The following SPTLC2 variants were observed in gnomAD, a reference collection of about 807,000 sequenced individuals.
SPTLC2 encodes the protein serine palmitoyltransferase long chain base subunit 2.
SPTLC2 carries 21 observed loss-of-function variants against 62.0 expected under a neutral mutation model. The ratio of observed to expected loss-of-function variants is 0.34; its 90% CI spans 0.24 to 0.49. The LOEUF (loss-of-function observed/expected upper bound fraction) is 0.49. Ranked by LOEUF, SPTLC2 falls within the 20% of genes least tolerant of loss-of-function variation. The pLI, the probability that SPTLC2 is intolerant of heterozygous loss-of-function variation, is 0.99. For synonymous variants in SPTLC2, 261 were observed against 261.8 expected, an observed-to-expected ratio of 1.00 and a Z score of 0.03; for missense variants, 511 against 713.0, an observed-to-expected ratio of 0.72 and a Z score of 3.23.
At chr14:77,570,645 A>G in intron 4 of SPTLC2, 137 bp from the exon 5 acceptor site, 1 of 979,082 alleles carries the variant, frequency 1.0e-6, no homozygotes, top group Admixed American at 2.1e-5. Context: ...AATATTATGA[A>G]GAGTAATATT....
chr14:77,532,154 A>G (rs1414365176), intron 9 of SPTLC2, among the ~76,000 whole-genome samples: 5 of 152,174 alleles, frequency 3.3e-5, no homozygotes, highest in African/African-American at 1.2e-4. Flanking sequence ...ATCTGGAAAA[A>G]TACTGAAATT....
At chr14:77,606,512 G>A (rs2079906350) in intron 1 of SPTLC2, among the ~76,000 whole-genome samples, 1 of 152,024 alleles carries the variant, frequency 6.6e-6, no homozygotes, top group South Asian at 2.1e-4. Flanking sequence ...GCCCAGAGAA[G>A]TGGAGATTTC....
At chr14:77,548,944 C>T (rs184171495) in intron 9 of SPTLC2, among the ~76,000 whole-genome samples, 276 of 152,312 alleles carry the variant, frequency 1.8e-3, no homozygotes, top group African/African-American at 5.8e-3. Flanking sequence ...TTAAGCCTTA[C>T]TTTCAATACC....
At chr14:77,607,556 T>C (rs141247548) in intron 1 of SPTLC2, among the ~76,000 whole-genome samples, 5 of 152,332 alleles carry the variant, frequency 3.3e-5, no homozygotes, top group African/African-American at 1.2e-4. Flanking sequence ...AGAATCAAAT[T>C]TTCCTTTAAT....
chr14:77,549,720 G>A (rs1302921598), intron 9 of SPTLC2, among the ~76,000 whole-genome samples: 1 of 152,146 alleles, frequency 6.6e-6, no homozygotes, highest in Non-Finnish European at 1.5e-5. Flanking sequence ...TAAGCTTTGG[G>A]GGTGGCTAGA....
At chr14:77,575,091 G>T (rs138357819) in intron 4 of SPTLC2, among the ~76,000 whole-genome samples, 99 of 152,142 alleles carry the variant, frequency 6.5e-4, no homozygotes, top group African/African-American at 2.3e-3. Context: ...GCATGGTGGC[G>T]TGCACCTATA....
chr14:77,528,530 C>G (rs28393685), intron 9 of SPTLC2, among the ~76,000 whole-genome samples: 60,894 of 151,986 alleles, frequency 0.4, 12,708 homozygotes, highest in Non-Finnish European at 0.46. Context: ...TGCGCCCAGC[C>G]CCCCCTTTTC....
At chr14:77,555,975 G>C (rs1027706852) in intron 7 of SPTLC2, among the ~76,000 whole-genome samples, 1 of 152,034 alleles carries the variant, frequency 6.6e-6, no homozygotes, top group Non-Finnish European at 1.5e-5. Flanking sequence ...AACTGACAAA[G>C]GTAGATGAAG....
At chr14:77,531,481 C>CCCTCCTCCTCCTCCT (rs1219084054) in intron 9 of SPTLC2, among the ~76,000 whole-genome samples, 2 of 90,286 alleles carry the variant, frequency 2.2e-5, no homozygotes, top group African/African-American at 1.0e-4. Flanking sequence ...CTCCCCCTCC[C>CCCTCCTCCTCCTCCT]CCTCCTCCTC....
chr14:77,610,138 GT>G (rs2079927490), intron 1 of SPTLC2, among the ~76,000 whole-genome samples: 1 of 16,916 alleles, frequency 5.9e-5, no homozygotes, highest in African/African-American at 2.2e-4. Flanking sequence ...TCTAACTGAG[GT>G]TTTGTTTTGT....
chr14:77,550,918 GA>G (rs11452479), intron 9 of SPTLC2, among the ~76,000 whole-genome samples: 5 of 138,882 alleles, frequency 3.6e-5, no homozygotes, highest in Admixed American at 7.2e-5. Flanking sequence ...ACAAAAACCA[GA>G]AAAAAAAAAA....
chr14:77,533,054 T>G (rs1326764631), intron 9 of SPTLC2, among the ~76,000 whole-genome samples: 2 of 152,094 alleles, frequency 1.3e-5, no homozygotes. Context: ...TCCCAGCACT[T>G]TGGGAGGCCA....
At chr14:77,593,250 T>C (rs999743134) in intron 2 of SPTLC2, among the ~76,000 whole-genome samples, 1 of 152,190 alleles carries the variant, frequency 6.6e-6, no homozygotes, top group Non-Finnish European at 1.5e-5. Flanking sequence ...CTACCATAAT[T>C]TACTCCTTAC....
intron 6 of SPTLC2, among the ~76,000 whole-genome samples, chr14:77,560,548 G>T (rs371921194): frequency 6.6e-5 from 10 of 152,210 alleles, no homozygotes; most frequent in Non-Finnish European, 1.5e-4. Flanking sequence ...TGGGGAGGTA[G>T]AGGTTGCAGT....
rs35580409 is a variant in SPTLC2, at chr14:77,604,866, C to CA, written c.133-7487dup. 6.4e-3 allele frequency among the ~76,000 whole-genome samples: 602 copies of CA among 94,064 alleles called. 3 individuals carry two copies. Among genetic ancestry groups the CA allele is most frequent in the African/African-American group, 0.018 (407 of 23,208 alleles). 61.7% of individuals were successfully genotyped at this position (94,064 alleles called of 152,430 possible). On this transcript the variant is annotated intron_variant, in intron 1 of 11. Coordinates refer to ENST00000216484, the MANE Select transcript of SPTLC2 (RefSeq NM_004863.4). ...TGGGCAAAAAAGCAAGACTCTTTCT[C>CA]AAAAAAAAAAAAAAAAAAAAGGTAA... is the stretch of plus-strand genomic sequence containing the variant.
intron 1 of SPTLC2, among the ~76,000 whole-genome samples, chr14:77,600,587 G>A (rs1435351554): frequency 6.6e-6 from 1 of 152,146 alleles, no homozygotes; most frequent in Non-Finnish European, 1.5e-5. Context: ...AGCACCCAGG[G>A]TAGTATTTAT....
chr14:77,562,587 T>A, intron 5 of SPTLC2, 98 bp from the exon 6 acceptor site: 1 of 917,136 alleles, frequency 1.1e-6, no homozygotes, highest in Non-Finnish European at 1.8e-6. Context: ...TGTATCTTAT[T>A]AAGGAAATTG....
chr14:77,556,049 G>A (rs572267566), intron 7 of SPTLC2, among the ~76,000 whole-genome samples: 5 of 152,200 alleles, frequency 3.3e-5, no homozygotes, highest in East Asian at 1.9e-4. Context: ...CTGGCTGGGC[G>A]CGGTGGCTCA....
intron 2 of SPTLC2, among the ~76,000 whole-genome samples, chr14:77,593,479 A>G (rs186377652): frequency 6.6e-6 from 1 of 152,336 alleles, no homozygotes; most frequent in East Asian, 1.9e-4. Flanking sequence ...CTCACATCAC[A>G]AAGAAATAAT....
Sources: allele counts gnomAD v4.1 joint callset (sites outside exome capture counted in the v4.1 genomes callset), GRCh38; gene constraint gnomAD v4.1.1; transcripts MANE v1.5; gene names NCBI Gene and HGNC (gene_info 2026-07-23, HGNC 2026-07-21).